The following RNF213 variants were observed in gnomAD, a reference collection of about 807,000 sequenced individuals.
RNF213 encodes E3 ubiquitin-protein ligase RNF213.
Under a neutral mutation model 514.4 loss-of-function variants are expected in RNF213, and 341 were observed. The observed-to-expected ratio is 0.66, with a 90% confidence interval of 0.61 to 0.73. RNF213 has a LOEUF of 0.73. RNF213 is among the 30% of genes least tolerant of loss of function. The pLI is 0.00. For synonymous variants in RNF213, 2,655 were observed against 2,658.2 expected (o/e 1.00, Z 0.04); for missense variants, 5,767 against 6,615.6 (o/e 0.87, Z 4.45).
At position 80,272,020 on chromosome 17, in the gene RNF213, C is replaced by T. The variant is rs187701500; in HGVS notation, c.98-1221C>T. Among the ~76,000 whole-genome samples, 21 of 150,414 alleles carry T rather than the reference C, an allele frequency of 1.4e-4. No individual in the cohort carries two copies. In the East Asian group the frequency reaches 4.1e-3, roughly 30 times the overall value. On this transcript the variant is annotated intron_variant, in intron 2 of 67. Transcript: ENST00000582970. Reference sequence around the variant, plus strand: ...AGAAAAGAGGCCGGGTGGGGTGGCTCACACCTGTAATCCCAGCACTTTGAG... The same window carrying T: ...AGAAAAGAGGCCGGGTGGGGTGGCTTACACCTGTAATCCCAGCACTTTGAG...
At chr17:80,330,210 C>T (rs190190592) in intron 20 of RNF213, among the ~76,000 whole-genome samples, 16 of 152,298 alleles carry the variant, frequency 1.1e-4, no homozygotes, top group Non-Finnish European at 2.9e-5. Context: ...GGTTATTCAC[C>T]GTTTTGTTTT....
rs117920635 is a variant in RNF213, at chr17:80,274,602, G to C, written c.261+1198G>C. On this transcript the variant is annotated intron_variant, in intron 3 of 67. Transcript: ENST00000582970. ...CTGTGGTCTGTGGGGGGTGAGTGGG[G>C]TGAGTGTGGGGGGTGAGTGGGGTGT... Among the ~76,000 whole-genome samples the C allele has an allele frequency of 2.4e-3, 56 of 22,882 alleles. 2 individuals are homozygous for C. The highest frequency in any genetic ancestry group is 0.011 in the African/African-American group (54 of 4,858). The allele number at this position is 22,882 out of a possible 152,430, so 15.0% of individuals were successfully genotyped here.
At position 80,349,823 on chromosome 17, in the gene RNF213, A is replaced by G. The variant is rs775302586; in HGVS notation, c.10005A>G (p.Ser3335=). The change falls in exon 30 of 68, where the codon TCA becomes TCG. Residue 3335 remains serine (S), a synonymous_variant. Transcript: ENST00000582970. ...GTCACGACTGTGAAATTTTAGAATC[A>G]GAGGTCACAGGCAGGGCTCCGAAAC... The part of the protein sequence containing the change: ...LTSHDCEILE[S]EVTGRAPKPT... The G allele has an allele frequency of 3.1e-6, 5 of 1,614,112 alleles. No homozygotes were observed. The highest frequency in any genetic ancestry group is 1.1e-5 in the South Asian group (1 of 91,074).
intron 3 of RNF213, chr17:80,279,027 CCCAGGA>C: frequency 7.2e-7 from 1 of 1,393,982 alleles, no homozygotes; most frequent in Non-Finnish European, 9.7e-7. Flanking sequence ...AGGAAGGCTG[CCCAGGA>C]TGGGCGTTTT....
chr17:80,298,704 C>T (rs913170862), intron 11 of RNF213, 186 bp downstream of exon 11: 3 of 654,984 alleles, frequency 4.6e-6, no homozygotes, highest in African/African-American at 1.8e-5. Context: ...GTGGCTCACG[C>T]CTGTAATCCC....
chr17:80,312,083 G>A (rs756898787), intron 14 of RNF213, among the ~76,000 whole-genome samples: 23 of 152,082 alleles, frequency 1.5e-4, no homozygotes, highest in East Asian at 3.9e-4. Flanking sequence ...AGCCAAGATC[G>A]CGCCACTGTA....
chr17:80,272,171 C>G (rs966862492), intron 2 of RNF213, among the ~76,000 whole-genome samples: 2 of 151,926 alleles, frequency 1.3e-5, no homozygotes, highest in Admixed American at 6.6e-5. Context: ...GTAATCCCAG[C>G]TACTTGGGAG....
At chr17:80,331,003 G>C (rs1312911812) in intron 20 of RNF213, among the ~76,000 whole-genome samples, 2 of 152,174 alleles carry the variant, frequency 1.3e-5, no homozygotes, top group Non-Finnish European at 2.9e-5. Flanking sequence ...ATTTTTAGTG[G>C]AGATGGGATT....
chr17:80,322,849 A>G (rs1158824971), intron 17 of RNF213, among the ~76,000 whole-genome samples: 1 of 152,010 alleles, frequency 6.6e-6, no homozygotes, highest in East Asian at 1.9e-4. Flanking sequence ...TCACATTCTT[A>G]TTGGTTTCTT....
Position 80,317,080 on chromosome 17 carries a change from G to A in RNF213, c.2812-108G>A, listed in dbSNP as rs1599009121. 3 of 1,203,492 alleles carry A rather than the reference G, an allele frequency of 2.5e-6. No individual in the cohort carries two copies. The highest frequency in any genetic ancestry group is 4.9e-5 in the East Asian group (2 of 40,864). 74.6% of individuals were successfully genotyped at this position (1,203,492 alleles called of 1,614,324 possible). A position where few individuals can be genotyped will look rare whatever the true frequency, so the allele number is the denominator to read the frequency against. On this transcript the variant is annotated intron_variant, in intron 15 of 67. Transcript: ENST00000582970. This position sits in a 1 kb window ranked among gnomAD's most constrained non-coding sequence, Gnocchi z 4.1. ...TGGGGAGAGCCCTGGTGTTCGCGGA[G>A]TCCCGCGCTCTCTGTATTGCCGTAA...
intron 64 of RNF213, 135 bp downstream of exon 64, chr17:80,388,824 G>C: frequency 1.3e-6 from 1 of 764,696 alleles, no homozygotes; most frequent in Non-Finnish European, 2.3e-6. Flanking sequence ...CCCTTACAGA[G>C]AGCAAGCAAG....
chr17:80,392,964 G>A (rs570575408), intron 67 of RNF213, among the ~76,000 whole-genome samples: 2 of 150,426 alleles, frequency 1.3e-5, no homozygotes, highest in Non-Finnish European at 2.9e-5. Context: ...GGGACTGATT[G>A]GTCCCCTTAT....
chr17:80,294,669 C>T, intron 8 of RNF213, 51 bp from the exon 9 acceptor site: 1 of 1,606,374 alleles, frequency 6.2e-7, no homozygotes, highest in Non-Finnish European at 8.5e-7. Context: ...GTCTAGGTCT[C>T]CAGGGTTTTG....
chr17:80,319,447 C>G (rs760841466), intron 17 of RNF213, 135 bp downstream of exon 17: 1 of 1,614,210 alleles, frequency 6.2e-7, no homozygotes, highest in Non-Finnish European at 8.5e-7. Flanking sequence ...GGGCACCCTC[C>G]TCCCTCGCCA....
At chr17:80,339,077 C>CCGT in intron 25 of RNF213, 124 bp from the exon 26 acceptor site, 4 of 588,692 alleles carry the variant, frequency 6.8e-6, no homozygotes, top group South Asian at 4.2e-5. Context: ...CTTGTGAGCG[C>CCGT]AGATCATGCA....
At chr17:80,312,110 A>G (rs1473969540) in intron 14 of RNF213, among the ~76,000 whole-genome samples, 1 of 152,164 alleles carries the variant, frequency 6.6e-6, no homozygotes, top group Non-Finnish European at 1.5e-5. Flanking sequence ...CCTGGGTTAC[A>G]GAGTGAGACT....
Position 80,363,580 on chromosome 17 carries a change from C to T in RNF213, c.11569-29C>T, listed in dbSNP as rs780481651. On this transcript the variant is annotated intron_variant, in intron 40 of 67. Transcript: ENST00000582970. ...GTGGGCCGGTGGGAGGGGCACCGCT[C>T]AGCCACGCCCTGCTGTCCGTCTCCC... 1.3e-5 allele frequency: 21 copies of T among 1,611,278 alleles called. 1 individual carries two copies. In the South Asian group the frequency reaches 2.3e-4, roughly 18 times the overall value.
At chr17:80,383,393 C>G (rs563653365) in intron 58 of RNF213, among the ~76,000 whole-genome samples, 54 of 152,112 alleles carry the variant, frequency 3.6e-4, no homozygotes, top group Non-Finnish European at 6.9e-4. Flanking sequence ...ACATATATAC[C>G]CATTAAAAAT....
chr17:80,356,508 C>G (rs2078828046), intron 36 of RNF213, among the ~76,000 whole-genome samples: 1 of 152,264 alleles, frequency 6.6e-6, no homozygotes, highest in African/African-American at 2.4e-5. Flanking sequence ...CAGCAGCACC[C>G]TGACTACCTC....
Sources: allele counts gnomAD v4.1 joint callset (sites outside exome capture counted in the v4.1 genomes callset), GRCh38; gene constraint gnomAD v4.1.1; non-coding constraint Gnocchi (gnomAD v3.1); transcripts MANE v1.5; gene names NCBI Gene and HGNC (gene_info 2026-07-23, HGNC 2026-07-21).